MIDEAS: variants seen among roughly 807,000 people sequenced by gnomAD.
The protein encoded by MIDEAS is mitotic deacetylase associated SANT domain protein.
MIDEAS carries 26 observed loss-of-function variants against 102.7 expected under a neutral mutation model. The observed-to-expected ratio is 0.25, with a 90% CI of 0.19 to 0.35. The LOEUF is 0.35. Ranked by LOEUF, MIDEAS falls within the 10% of genes least tolerant of loss-of-function variation. The probability of loss-of-function intolerance (pLI) is 1.00; values close to 1 mark genes in which losing one functional copy is unlikely to be tolerated. For missense variants in MIDEAS, 1,231 were observed against 1,435.6 expected, an observed-to-expected ratio of 0.86 and a Z score of 2.30; for synonymous variants, 585 against 591.0, an observed-to-expected ratio of 0.99 and a Z score of 0.15.
In MIDEAS at chr14:73,715,300, A is replaced by G. The variant is rs2052867688; in HGVS notation, c.*3543T>C. On this transcript the variant is annotated 3_prime_UTR_variant, in exon 13 of 13. Coordinates refer to ENST00000423556, the MANE Select transcript of MIDEAS (RefSeq NM_001367710.1). ...CAGTCTCTATCACAACTGTACAGCA[A>G]AAGAGGTAATATTTATATATGTACA... 6.6e-6 allele frequency: 1 copy of G among 152,658 alleles called. No homozygotes were observed. Among genetic ancestry groups the G allele is most frequent in the Non-Finnish European group, 1.5e-5 (1 of 68,034 alleles). 9.5% of individuals were successfully genotyped at this position (152,658 alleles called of 1,614,324 possible). A position where few individuals can be genotyped will look rare whatever the true frequency, so the allele number is the denominator to read the frequency against.
chr14:73,733,692 T>C (rs985521136), intron 3 of MIDEAS, among the ~76,000 whole-genome samples: 8 of 152,188 alleles, frequency 5.3e-5, no homozygotes, highest in Admixed American at 1.3e-4. Context: ...CAAGGATGCA[T>C]GTTTTCTTCT....
At chr14:73,756,299 C>CGCGA (rs1555344815) in intron 1 of MIDEAS, among the ~76,000 whole-genome samples, 1 of 70,920 alleles carries the variant, frequency 1.4e-5, no homozygotes, top group African/African-American at 6.0e-5. Context: ...TGTGTGTGCG[C>CGCGA]GCGCGCGTGC....
At position 73,744,480 on chromosome 14, in the gene MIDEAS, G is replaced by A. The variant is rs142529350; in HGVS notation, c.-247-4225C>T. ...CTGACCCGAGGGCCCCCTGCCCTTG[G>A]AGGCTAATGCTCCAAGCTCCCACTC... On this transcript the variant is annotated intron_variant, in intron 1 of 12. Coordinates refer to ENST00000423556, the MANE Select transcript of MIDEAS (RefSeq NM_001367710.1). Among the ~76,000 whole-genome samples the A allele has an allele frequency of 9.8e-5, 15 of 152,302 alleles. No individual in the cohort carries two copies. In the East Asian group the frequency reaches 2.9e-3, roughly 29 times the overall value.
intron 1 of MIDEAS, among the ~76,000 whole-genome samples, chr14:73,751,905 A>C (rs1374686723): frequency 6.6e-6 from 1 of 152,076 alleles, no homozygotes; most frequent in Non-Finnish European, 1.5e-5. Context: ...TGTCTCAAAA[A>C]AATAAATAAA....
intron 3 of MIDEAS, among the ~76,000 whole-genome samples, chr14:73,733,483 G>A (rs1446446694): frequency 6.6e-6 from 1 of 151,918 alleles, no homozygotes; most frequent in Non-Finnish European, 1.5e-5. Context: ...CAGCTACTCA[G>A]GAGGCTGAGG....
chr14:73,784,513 G>A (rs1380711449), intron 1 of MIDEAS, among the ~76,000 whole-genome samples: 1 of 152,208 alleles, frequency 6.6e-6, no homozygotes, highest in African/African-American at 2.4e-5. Context: ...ACACTCTGGA[G>A]GGCTTTTGGG....
intron 1 of MIDEAS, among the ~76,000 whole-genome samples, chr14:73,781,051 C>T (rs932342573): frequency 7.9e-5 from 12 of 151,888 alleles, no homozygotes; most frequent in South Asian, 4.1e-4. Flanking sequence ...CTGAAACTGA[C>T]GATTATGATG....
At chr14:73,773,221 G>C (rs970423747) in intron 1 of MIDEAS, among the ~76,000 whole-genome samples, 7 of 151,912 alleles carry the variant, frequency 4.6e-5, no homozygotes, top group African/African-American at 1.7e-4. Context: ...AGCAACACCT[G>C]TCAATCCTAC....
At chr14:73,755,711 A>G (rs1164715137) in intron 1 of MIDEAS, among the ~76,000 whole-genome samples, 1 of 152,196 alleles carries the variant, frequency 6.6e-6, no homozygotes, top group Non-Finnish European at 1.5e-5. Context: ...CCACATGTCT[A>G]GGGTGGAGTG....
upstream of MIDEAS, among the ~76,000 whole-genome samples, chr14:73,763,881 A>G (rs149349144): frequency 6.7e-6 from 1 of 149,494 alleles, no homozygotes; most frequent in East Asian, 1.9e-4. Context: ...TGTTCATTGC[A>G]TGAACAACGA....
intron 1 of MIDEAS, among the ~76,000 whole-genome samples, chr14:73,751,393 CCT>C (rs2053416591): frequency 6.6e-6 from 1 of 152,174 alleles, no homozygotes; most frequent in Non-Finnish European, 1.5e-5. Flanking sequence ...AGCTTCAGCC[CCT>C]GAAAACCACC....
At chr14:73,785,118 G>A (rs772806826) in intron 1 of MIDEAS, among the ~76,000 whole-genome samples, 2 of 152,220 alleles carry the variant, frequency 1.3e-5, no homozygotes, top group Non-Finnish European at 2.9e-5. Flanking sequence ...ACACAGCAAC[G>A]TAGCTGGGCT....
chr14:73,787,376 A>G (rs2053825528), upstream of MIDEAS: 1 of 151,738 alleles, frequency 6.6e-6, no homozygotes, highest in African/African-American at 2.4e-5. Context: ...GCTGCGGGGT[A>G]GCGGGCAGCC....
intron 1 of MIDEAS, among the ~76,000 whole-genome samples, chr14:73,747,176 T>C (rs891275429): frequency 6.6e-6 from 1 of 152,164 alleles, no homozygotes; most frequent in African/African-American, 2.4e-5. Context: ...CACTATCCAA[T>C]AATGCTTCTT....
intron 1 of MIDEAS, among the ~76,000 whole-genome samples, chr14:73,754,182 G>C (rs909337486): frequency 1.3e-5 from 2 of 152,202 alleles, no homozygotes; most frequent in African/African-American, 4.8e-5. Context: ...AACACAGAAG[G>C]GCTGTTTACA....
At chr14:73,772,351 CTT>C (rs2053649319) in intron 1 of MIDEAS, among the ~76,000 whole-genome samples, 1 of 152,262 alleles carries the variant, frequency 6.6e-6, no homozygotes, top group Admixed American at 6.5e-5. Flanking sequence ...CCCATAACCT[CTT>C]TGCCCAAATC....
chr14:73,784,207 G>C (rs2053785098), intron 1 of MIDEAS, among the ~76,000 whole-genome samples: 1 of 152,346 alleles, frequency 6.6e-6, no homozygotes, highest in East Asian at 1.9e-4. Context: ...GCAGCAGCCA[G>C]GGCTGCTCAG....
chr14:73,780,207 C>T (rs2053742348), intron 1 of MIDEAS, among the ~76,000 whole-genome samples: 2 of 148,684 alleles, frequency 1.3e-5, no homozygotes, highest in Admixed American at 1.3e-4. Flanking sequence ...TACACACTGA[C>T]TTTAGAATCT....
chr14:73,774,009 G>A (rs1486913661), intron 1 of MIDEAS, among the ~76,000 whole-genome samples: 2 of 134,970 alleles, frequency 1.5e-5, no homozygotes, highest in East Asian at 2.3e-4. Context: ...GTGACAGGGT[G>A]AGACTGAATC....
Sources: gnomAD v4.1 joint callset for allele counts (sites outside exome capture counted in the v4.1 genomes callset) on GRCh38, gnomAD v4.1.1 for gene constraint, MANE v1.5 for transcripts, NCBI Gene and HGNC (gene_info 2026-07-23, HGNC 2026-07-21) for gene names.